The following PCLO variants were observed in gnomAD, a reference collection of about 807,000 sequenced individuals.
The protein encoded by PCLO is protein piccolo.
Under a neutral mutation model 427.5 loss-of-function variants are expected in PCLO, and 82 were observed. That is an observed-to-expected ratio of 0.19 (90% confidence interval 0.16 to 0.23). The LOEUF is 0.23. Ranked by LOEUF, PCLO falls within the 10% of genes least tolerant of loss-of-function variation. PCLO has a pLI of 1.00. For missense variants in PCLO, 6,239 were observed against 6,115.9 expected (o/e 1.02, Z -0.67); for synonymous variants, 2,357 against 2,155.4 (o/e 1.09, Z -2.59).
intron 22 of PCLO, among the ~76,000 whole-genome samples, chr7:82,786,963 G>T (rs1303962120): frequency 6.6e-6 from 1 of 151,956 alleles, no homozygotes; most frequent in Non-Finnish European, 1.5e-5. Flanking sequence ...GTGTATATGT[G>T]CCACGTTTTC....
chr7:83,150,991 T>C (rs911179383), intron 2 of PCLO, among the ~76,000 whole-genome samples: 7 of 152,186 alleles, frequency 4.6e-5, no homozygotes, highest in Non-Finnish European at 8.8e-5. Flanking sequence ...ACACCACAAC[T>C]GTGACAGAAG....
rs143520608 is a variant in PCLO, at chr7:82,956,284, G to A, written c.4669C>T (p.Arg1557Ter). Residue 1557 changes from arginine (R) to a stop codon, truncating the protein, a stop_gained, in exon 5 of 25, where the codon CGA becomes TGA. Coordinates refer to ENST00000333891, the MANE Select transcript of PCLO (RefSeq NM_033026.6). LOFTEE classifies it high-confidence loss of function. ...GCACTCATTTCTATGATTTGTTTTCGAATGAAGTCCTCCTCTTCCCCTGAT... is the reference window on the plus strand; with the variant it reads ...GCACTCATTTCTATGATTTGTTTTCAAATGAAGTCCTCCTCTTCCCCTGAT... ...QGSGEEEDFI[R>*]KQIIEMSADE... The A allele has an allele frequency of 6.2e-7, 1 of 1,612,342 alleles. No individual in the cohort carries two copies. Among genetic ancestry groups the A allele is most frequent in the Non-Finnish European group, 8.5e-7 (1 of 1,179,838 alleles).
chr7:83,038,174 C>T (rs1336383735), intron 3 of PCLO, among the ~76,000 whole-genome samples: 8 of 135,564 alleles, frequency 5.9e-5, no homozygotes, highest in African/African-American at 2.1e-4. Context: ...TATATACACA[C>T]ATACATATAA....
intron 3 of PCLO, among the ~76,000 whole-genome samples, chr7:83,082,144 T>C (rs1406761262): frequency 6.6e-6 from 1 of 150,986 alleles, no homozygotes; most frequent in Non-Finnish European, 1.5e-5. Flanking sequence ...CGCACACACA[T>C]ATGTAAAATC....
intron 3 of PCLO, among the ~76,000 whole-genome samples, chr7:83,049,510 G>A (rs1789182552): frequency 1.3e-5 from 2 of 152,098 alleles, no homozygotes; most frequent in Admixed American, 6.6e-5. Context: ...TATTTTAGGG[G>A]AAGATGGAAG....
intron 22 of PCLO, among the ~76,000 whole-genome samples, chr7:82,763,219 A>T (rs1790466593): frequency 6.6e-6 from 1 of 152,126 alleles, no homozygotes; most frequent in Admixed American, 6.6e-5. Flanking sequence ...TGGTAAATAA[A>T]TAAAGTGTCT....
intron 22 of PCLO, among the ~76,000 whole-genome samples, chr7:82,785,119 G>T (rs1196240855): frequency 3.3e-5 from 5 of 151,912 alleles, no homozygotes; most frequent in African/African-American, 1.2e-4. Flanking sequence ...CAGGACAGTG[G>T]TCCTCAACCT....
chr7:82,823,279 T>C lies in PCLO; in HGVS notation c.14597-590A>G, dbSNP rs140956553. On this transcript the variant is annotated intron_variant, in intron 19 of 24. Coordinates refer to ENST00000333891, the MANE Select transcript of PCLO (RefSeq NM_033026.6). ...AATCTACAAAACTCGTAGTCAGCAG[T>C]TTATGATATCAACTCAGTGGCCTAC... 4.6e-5 allele frequency among the ~76,000 whole-genome samples: 7 copies of C among 152,260 alleles called. No homozygotes were observed. In the East Asian group the frequency reaches 1.2e-3, roughly 25 times the overall value.
At chr7:83,145,985 G>A (rs905798963) in intron 2 of PCLO, among the ~76,000 whole-genome samples, 1 of 152,078 alleles carries the variant, frequency 6.6e-6, no homozygotes, top group African/African-American at 2.4e-5. Context: ...TTTATAATAT[G>A]AACTCTGATT....
intron 3 of PCLO, among the ~76,000 whole-genome samples, chr7:83,041,902 C>A (rs1310260735): frequency 1.3e-5 from 2 of 151,816 alleles, no homozygotes; most frequent in Admixed American, 6.6e-5. Context: ...TACGAGCATC[C>A]CCTAGGGCTT....
chr7:83,076,466 T>G (rs1282248225), intron 3 of PCLO, among the ~76,000 whole-genome samples: 3 of 152,132 alleles, frequency 2.0e-5, no homozygotes, highest in African/African-American at 7.2e-5. Flanking sequence ...TTTCACCATG[T>G]TGGCCAGGCT....
intron 3 of PCLO, among the ~76,000 whole-genome samples, chr7:83,016,991 G>T (rs1728103895): frequency 6.6e-6 from 1 of 152,008 alleles, no homozygotes; most frequent in Non-Finnish European, 1.5e-5. Flanking sequence ...GTGGGGAAAT[G>T]GGCTCTTTTT....
chr7:82,926,420 G>T (rs1794713743), intron 6 of PCLO, among the ~76,000 whole-genome samples: 1 of 151,618 alleles, frequency 6.6e-6, no homozygotes. Flanking sequence ...AGATTCCAGT[G>T]GCAAAAAATG....
intron 3 of PCLO, among the ~76,000 whole-genome samples, chr7:83,090,431 G>C (rs566791899): frequency 1.1e-3 from 161 of 152,284 alleles, no homozygotes; most frequent in African/African-American, 3.8e-3. Context: ...CTAGAACGTT[G>C]CATTCCAAAA....
intron 20 of PCLO, among the ~76,000 whole-genome samples, chr7:82,816,469 T>G: frequency 6.6e-6 from 1 of 152,228 alleles, no homozygotes; most frequent in South Asian, 2.1e-4. Flanking sequence ...TTGCCTGTCT[T>G]ACTTCCACAG....
At chr7:82,947,141 C>T (rs1244642865) in intron 6 of PCLO, among the ~76,000 whole-genome samples, 1 of 152,146 alleles carries the variant, frequency 6.6e-6, no homozygotes, top group Non-Finnish European at 1.5e-5. Context: ...ATTTTTCTCT[C>T]CATGGTCCAG....
At chr7:82,841,634 C>A in intron 13 of PCLO, 125 bp from the exon 14 acceptor site, 1 of 640,238 alleles carries the variant, frequency 1.6e-6, no homozygotes, top group Non-Finnish European at 2.8e-6. Flanking sequence ...ATATTTTATC[C>A]ATTTGGCTGC....
intron 3 of PCLO, among the ~76,000 whole-genome samples, chr7:83,019,923 T>A (rs1480824230): frequency 1.3e-5 from 2 of 152,110 alleles, no homozygotes; most frequent in Non-Finnish European, 2.9e-5. Context: ...TGAGTACAAC[T>A]CTTCAAGCAT....
chr7:82,810,778 C>G (rs1044857282), intron 20 of PCLO, among the ~76,000 whole-genome samples: 3 of 151,698 alleles, frequency 2.0e-5, no homozygotes, highest in African/African-American at 7.2e-5. Flanking sequence ...TTAGTTTGCT[C>G]TGTTGGCTTT....
Sources: gnomAD v4.1 joint callset for allele counts (sites outside exome capture counted in the v4.1 genomes callset) on GRCh38, gnomAD v4.1.1 for gene constraint, MANE v1.5 for transcripts, NCBI Gene and HGNC (gene_info 2026-07-23, HGNC 2026-07-21) for gene names.